Variants in DZIP3 observed in about 807,000 individuals in gnomAD.
DZIP3 encodes the protein DAZ interacting zinc finger protein 3.
A neutral mutation model predicts 162.0 loss-of-function variants in DZIP3; 118 were observed. That is an observed-to-expected ratio of 0.73 (90% CI 0.63 to 0.85). DZIP3 has a LOEUF of 0.85. Ranked by LOEUF, DZIP3 falls within the 40% of genes least tolerant of loss-of-function variation. The probability of loss-of-function intolerance (pLI) is 0.00; values close to 1 mark genes in which losing one functional copy is unlikely to be tolerated. For synonymous variants in DZIP3, 438 were observed against 458.6 expected, an observed-to-expected ratio of 0.96 and a Z score of 0.57; for missense variants, 1,331 against 1,407.0, an observed-to-expected ratio of 0.95 and a Z score of 0.86.
At chr3:108,673,565 A>T (rs1040769386) in intron 23 of DZIP3, among the ~76,000 whole-genome samples, 3 of 151,936 alleles carry the variant, frequency 2.0e-5, no homozygotes, top group African/African-American at 7.2e-5. Context: ...GCAAGTAGTG[A>T]TATGGAAAGG....
intron 26 of DZIP3, among the ~76,000 whole-genome samples, chr3:108,678,705 T>C (rs775987648): frequency 3.3e-5 from 5 of 152,026 alleles, no homozygotes; most frequent in Non-Finnish European, 7.4e-5. Context: ...TGTCATTGGA[T>C]GACAATTTTT....
At chr3:108,591,770 A>T (rs1376036566) in intron 1 of DZIP3, among the ~76,000 whole-genome samples, 1 of 152,174 alleles carries the variant, frequency 6.6e-6, no homozygotes, top group Non-Finnish European at 1.5e-5. Context: ...AGACTAAGGC[A>T]GGAGGACCTT....
intron 28 of DZIP3, among the ~76,000 whole-genome samples, chr3:108,686,948 A>G (rs535602635): frequency 6.6e-6 from 1 of 152,278 alleles, no homozygotes; most frequent in South Asian, 2.1e-4. Context: ...ATATAAGCCC[A>G]AACATCTTTA....
chr3:108,653,207 G>C (rs1942940991), intron 18 of DZIP3, among the ~76,000 whole-genome samples: 1 of 151,664 alleles, frequency 6.6e-6, no homozygotes. Flanking sequence ...GAATACCTCA[G>C]TAATACCTAA....
intron 14 of DZIP3, 134 bp downstream of exon 14, chr3:108,644,915 T>C (rs1942558504): frequency 1.3e-6 from 1 of 779,214 alleles, no homozygotes; most frequent in Non-Finnish European, 2.0e-6. Flanking sequence ...AGGAAGGTAA[T>C]AGAAATTATA....
intron 8 of DZIP3, among the ~76,000 whole-genome samples, chr3:108,629,993 G>A (rs1380474627): frequency 1.3e-5 from 2 of 151,748 alleles, no homozygotes; most frequent in African/African-American, 4.8e-5. Flanking sequence ...TATTTCTCAC[G>A]TCATTTCATT....
At chr3:108,596,752 A>G (rs1219101907) in intron 1 of DZIP3, among the ~76,000 whole-genome samples, 1 of 152,218 alleles carries the variant, frequency 6.6e-6, no homozygotes, top group Non-Finnish European at 1.5e-5. Flanking sequence ...AACGTGTGCC[A>G]GGTGCTATTC....
Position 108,636,719 on chromosome 3 carries a change from T to A in DZIP3, c.1011+11T>A, listed in dbSNP as rs1419439583. ...ATTGTTAAAATTTTGGTGAGTATCT[T>A]GTTTTGTCCTTTTTTTTTTTTCTTG... On this transcript the variant is annotated intron_variant, in intron 11 of 32. Coordinates refer to ENST00000361582, the MANE Select transcript of DZIP3 (RefSeq NM_014648.4). 2 of 1,475,698 alleles carry A rather than the reference T, an allele frequency of 1.4e-6. No individual in the cohort carries two copies. Among genetic ancestry groups the A allele is most frequent in the Admixed American group, 2.6e-5 (1 of 37,934 alleles). 91.4% of individuals were successfully genotyped at this position (1,475,698 alleles called of 1,614,324 possible).
chr3:108,661,228 AC>A (rs1266204839), intron 19 of DZIP3, among the ~76,000 whole-genome samples: 11 of 152,224 alleles, frequency 7.2e-5, no homozygotes, highest in African/African-American at 2.7e-4. Context: ...AAGACTTGGA[AC>A]CAACCCAAAT....
intron 1 of DZIP3, among the ~76,000 whole-genome samples, chr3:108,595,486 A>C (rs1015588876): frequency 6.6e-6 from 1 of 152,160 alleles, no homozygotes; most frequent in Non-Finnish European, 1.5e-5. Flanking sequence ...AAGTGCTGGG[A>C]TTACAGACAT....
At position 108,629,156 on chromosome 3, in the gene DZIP3, G is replaced by C; in HGVS notation, c.676G>C (p.Asp226His). The C allele has an allele frequency of 6.3e-7, 1 of 1,582,394 alleles. No individual in the cohort carries two copies. The change falls in exon 8 of 33, where the codon GAT becomes CAT. Residue 226 changes from aspartate to histidine, a missense_variant. Around this residue, in one of 2 missense-constraint regions of DZIP3, gnomAD observed 1,278 missense variants for 1,317.1 expected, o/e 0.97. Transcript: ENST00000361582. ...TGACATAGATCCTACAGAAGATGAAGATTTACCTACAACTTTTAAAGTAAG... is the reference window on the plus strand; with the variant it reads ...TGACATAGATCCTACAGAAGATGAACATTTACCTACAACTTTTAAAGTAAG... ...WFDIDPTEDE[D>H]LPTTFKDLLN...
intron 1 of DZIP3, among the ~76,000 whole-genome samples, chr3:108,603,940 C>G (rs1940176541): frequency 6.6e-6 from 1 of 152,092 alleles, no homozygotes; most frequent in African/African-American, 2.4e-5. Context: ...TAGATGGGTT[C>G]AGGTTCTGCA....
chr3:108,656,652 T>C (rs1345368521), intron 19 of DZIP3, among the ~76,000 whole-genome samples: 1 of 152,064 alleles, frequency 6.6e-6, no homozygotes, highest in Non-Finnish European at 1.5e-5. Flanking sequence ...GAGAATGACT[T>C]TGACGAGTTG....
chr3:108,637,653 T>TG, intron 12 of DZIP3, 105 bp downstream of exon 12: 1 of 736,660 alleles, frequency 1.4e-6, no homozygotes, highest in Non-Finnish European at 2.1e-6. Flanking sequence ...CTGCATTAAA[T>TG]TTTAAGGTAT....
At chr3:108,608,589 T>C (rs1940518208) in intron 3 of DZIP3, among the ~76,000 whole-genome samples, 1 of 152,208 alleles carries the variant, frequency 6.6e-6, no homozygotes, top group Admixed American at 6.5e-5. Context: ...ATTTTTATTA[T>C]CTTTATGGTT....
chr3:108,613,062 G>A (rs1197301006), intron 4 of DZIP3, among the ~76,000 whole-genome samples: 3 of 152,012 alleles, frequency 2.0e-5, no homozygotes, highest in Non-Finnish European at 4.4e-5. Context: ...AGCACTGATT[G>A]TACTCACATT....
intron 19 of DZIP3, among the ~76,000 whole-genome samples, chr3:108,660,582 G>C (rs1049170238): frequency 3.9e-5 from 6 of 151,900 alleles, no homozygotes; most frequent in Non-Finnish European, 7.4e-5. Flanking sequence ...GCATGGGCAA[G>C]GACTTCATGT....
At chr3:108,645,394 T>G (rs1942579913) in intron 14 of DZIP3, among the ~76,000 whole-genome samples, 2 of 152,232 alleles carry the variant, frequency 1.3e-5, no homozygotes, top group Non-Finnish European at 2.9e-5. Context: ...TTGTTTAGTT[T>G]ACAATTTTAG....
At chr3:108,674,056 T>G in intron 23 of DZIP3, 22 bp from the exon 24 acceptor site, 1 of 1,564,936 alleles carries the variant, frequency 6.4e-7, no homozygotes, top group East Asian at 2.2e-5. Flanking sequence ...AACTTCTTTC[T>G]CTTTCTCTCA....
Sources: allele counts gnomAD v4.1 joint callset (sites outside exome capture counted in the v4.1 genomes callset), GRCh38; gene constraint gnomAD v4.1.1; regional missense constraint gnomAD v4.1.1; transcripts MANE v1.5; gene names NCBI Gene and HGNC (gene_info 2026-07-23, HGNC 2026-07-21).